GRID2: variants seen among roughly 807,000 people sequenced by gnomAD.
The protein encoded by GRID2 is glutamate ionotropic receptor delta type subunit 2.
A neutral mutation model predicts 114.8 loss-of-function variants in GRID2; 33 were observed. That is an observed-to-expected ratio of 0.29 (90% CI 0.22 to 0.38). The LOEUF is 0.38. Ranked by LOEUF, GRID2 falls within the 10% of genes least tolerant of loss-of-function variation. GRID2 has a pLI of 1.00. For synonymous variants in GRID2, 505 were observed against 449.9 expected (o/e 1.12, Z -1.55); for missense variants, 1,184 against 1,257.7 (o/e 0.94, Z 0.89).
chr4:93,755,531 A>G (rs1438139843), intron 14 of GRID2, among the ~76,000 whole-genome samples: 1 of 152,212 alleles, frequency 6.6e-6, no homozygotes, highest in Admixed American at 6.5e-5. Context: ...AATCAGATTT[A>G]TTCCTGAAAC....
chr4:93,314,209 G>A (rs1756326020), intron 8 of GRID2, among the ~76,000 whole-genome samples: 1 of 150,626 alleles, frequency 6.6e-6, no homozygotes, highest in South Asian at 2.1e-4. Context: ...GGAGGCTGAG[G>A]CAGGATAATT....
chr4:93,297,914 C>T (rs1300966253), intron 8 of GRID2, among the ~76,000 whole-genome samples: 1 of 152,134 alleles, frequency 6.6e-6, no homozygotes, highest in Non-Finnish European at 1.5e-5. Context: ...ACAATATTAT[C>T]AGATTCTGTT....
chr4:93,063,633 A>G (rs903856568), intron 2 of GRID2, among the ~76,000 whole-genome samples: 7 of 151,864 alleles, frequency 4.6e-5, no homozygotes, highest in Admixed American at 1.3e-4. Flanking sequence ...AAGCATTTTC[A>G]TCTTTGGGAC....
At chr4:93,466,248 A>C (rs1251258325) in intron 11 of GRID2, among the ~76,000 whole-genome samples, 1 of 152,186 alleles carries the variant, frequency 6.6e-6, no homozygotes, top group South Asian at 2.1e-4. Flanking sequence ...GATGATGATG[A>C]TGCTGAAATT....
chr4:93,246,369 C>G (rs574243515), intron 8 of GRID2, among the ~76,000 whole-genome samples: 3 of 151,914 alleles, frequency 2.0e-5, no homozygotes, highest in Admixed American at 1.3e-4. Context: ...AGGTGGATCA[C>G]GAGGTCAGGA....
intron 11 of GRID2, among the ~76,000 whole-genome samples, chr4:93,473,202 T>G (rs1268076787): frequency 6.6e-6 from 1 of 152,156 alleles, no homozygotes; most frequent in Non-Finnish European, 1.5e-5. Context: ...ATTATATGTT[T>G]ATACAATTTT....
chr4:92,405,264 G>A (rs1730971461), intron 1 of GRID2, among the ~76,000 whole-genome samples: 1 of 152,144 alleles, frequency 6.6e-6, no homozygotes, highest in African/African-American at 2.4e-5. Flanking sequence ...AATTAAACAT[G>A]TTAATGCATT....
chr4:93,221,347 A>C (rs961476086), intron 6 of GRID2, among the ~76,000 whole-genome samples: 1 of 152,176 alleles, frequency 6.6e-6, no homozygotes, highest in Admixed American at 6.6e-5. Flanking sequence ...AGCAAGCCAC[A>C]GATGGTGTCA....
chr4:92,610,697 C>A (rs572887366), intron 2 of GRID2, among the ~76,000 whole-genome samples: 70 of 151,758 alleles, frequency 4.6e-4, no homozygotes, highest in African/African-American at 1.6e-3. Flanking sequence ...TTTTCCATCA[C>A]CCAACAAGCT....
At chr4:92,565,674 C>T (rs1727302691) in intron 1 of GRID2, among the ~76,000 whole-genome samples, 1 of 151,920 alleles carries the variant, frequency 6.6e-6, no homozygotes, top group African/African-American at 2.4e-5. Context: ...GGTACAGTTC[C>T]TGGCATATGT....
chr4:92,687,551 C>A (rs752520518), intron 2 of GRID2, among the ~76,000 whole-genome samples: 1 of 152,048 alleles, frequency 6.6e-6, no homozygotes, highest in Non-Finnish European at 1.5e-5. Flanking sequence ...TTATTGGGGC[C>A]GGGCATGGTG....
chr4:93,780,074 G>A (rs1734449174), intron 1 of GRID2, among the ~76,000 whole-genome samples: 1 of 152,198 alleles, frequency 6.6e-6, no homozygotes, highest in Non-Finnish European at 1.5e-5. Context: ...CAGATAATAA[G>A]CCAGAAAGTA....
At chr4:92,475,010 C>T (rs1358290860) in intron 1 of GRID2, among the ~76,000 whole-genome samples, 3 of 147,896 alleles carry the variant, frequency 2.0e-5, no homozygotes, top group African/African-American at 5.0e-5. Flanking sequence ...AGGAGATATA[C>T]CTAATGCTAA....
chr4:93,544,270 G>A (rs1264871552), intron 13 of GRID2, among the ~76,000 whole-genome samples: 8 of 151,384 alleles, frequency 5.3e-5, no homozygotes, highest in Admixed American at 5.3e-4. Context: ...GAAATAATTT[G>A]TAAAAATTTA....
intron 2 of GRID2, among the ~76,000 whole-genome samples, chr4:92,956,061 C>CA (rs1014197810): frequency 1.3e-5 from 2 of 152,052 alleles, no homozygotes; most frequent in African/African-American, 4.8e-5. Context: ...AGAAAGAAAA[C>CA]AAAAAACAAA....
chr4:93,727,399 T>C (rs1171318208), intron 14 of GRID2, among the ~76,000 whole-genome samples: 1 of 152,240 alleles, frequency 6.6e-6, no homozygotes, highest in Non-Finnish European at 1.5e-5. Flanking sequence ...AGTATTTTAT[T>C]GAGGATTTTT....
chr4:93,192,723 G>A (rs1011835122), intron 4 of GRID2, among the ~76,000 whole-genome samples: 11 of 143,864 alleles, frequency 7.6e-5, no homozygotes, highest in African/African-American at 2.9e-4. Flanking sequence ...CTCCAGCCTG[G>A]GCAACAAGAG....
At chr4:92,824,138 G>A (rs1173279869) in intron 2 of GRID2, among the ~76,000 whole-genome samples, 2 of 152,146 alleles carry the variant, frequency 1.3e-5, no homozygotes. Flanking sequence ...AATGTTAGGA[G>A]TTTGACCTGT....
chr4:93,464,318 T>A (rs1724055623), intron 11 of GRID2, among the ~76,000 whole-genome samples: 1 of 152,160 alleles, frequency 6.6e-6, no homozygotes. Context: ...AATTAGAGGT[T>A]TAATAATGAT....
Sources: allele counts gnomAD v4.1 joint callset (sites outside exome capture counted in the v4.1 genomes callset), GRCh38; gene constraint gnomAD v4.1.1; transcripts MANE v1.5; gene names NCBI Gene and HGNC (gene_info 2026-07-23, HGNC 2026-07-21).